OTUD7A: variants seen among roughly 807,000 people sequenced by gnomAD.
The protein encoded by OTUD7A is OTU deubiquitinase 7A, also known as OTU domain-containing protein 7A.
In OTUD7A, 12 loss-of-function variants were observed where a neutral mutation model predicts 65.7. The ratio of observed to expected loss-of-function variants is 0.18; its 90% confidence interval spans 0.12 to 0.30. The LOEUF (loss-of-function observed/expected upper bound fraction) is 0.30. Ranked by LOEUF, OTUD7A falls within the 10% of genes least tolerant of loss-of-function variation. The probability of loss-of-function intolerance (pLI) is 1.00; values close to 1 mark genes in which losing one functional copy is unlikely to be tolerated. For missense variants in OTUD7A, 1,148 were observed against 1,304.8 expected, an observed-to-expected ratio of 0.88 and a Z score of 1.85; for synonymous variants, 641 against 586.3, an observed-to-expected ratio of 1.09 and a Z score of -1.35.
chr15:31,743,758 A>G (rs1012904623), intron 1 of OTUD7A, among the ~76,000 whole-genome samples: 24 of 151,994 alleles, frequency 1.6e-4, no homozygotes, highest in Admixed American at 7.2e-4. Flanking sequence ...AAAGAAAAGA[A>G]AAGAAAAGAA....
intron 1 of OTUD7A, among the ~76,000 whole-genome samples, chr15:31,737,911 G>T (rs1894236260): frequency 6.6e-6 from 1 of 152,182 alleles, no homozygotes; most frequent in African/African-American, 2.4e-5. Context: ...TTGTAAAAAA[G>T]TATCTATTTA....
chr15:31,809,340 T>C (rs1477277125), intron 1 of OTUD7A, among the ~76,000 whole-genome samples: 1 of 152,214 alleles, frequency 6.6e-6, no homozygotes, highest in Non-Finnish European at 1.5e-5. Flanking sequence ...ATCCCTTTCT[T>C]CTGCCTTCCC....
At chr15:31,789,147 G>A (rs1895749860) in intron 1 of OTUD7A, among the ~76,000 whole-genome samples, 1 of 152,108 alleles carries the variant, frequency 6.6e-6, no homozygotes, top group Non-Finnish European at 1.5e-5. Flanking sequence ...CTATGTAATA[G>A]ACACAGAATG....
chr15:31,553,539 A>G (rs995017945), intron 5 of OTUD7A, among the ~76,000 whole-genome samples: 8 of 152,024 alleles, frequency 5.3e-5, no homozygotes, highest in African/African-American at 1.7e-4. Context: ...AAGTCTCACT[A>G]CAGTCTCGGG....
chr15:31,620,978 G>A lies in OTUD7A; in HGVS notation c.151+34118C>T, dbSNP rs1365820855. On this transcript the variant is annotated intron_variant, in intron 3 of 12. Coordinates refer to ENST00000307050, the MANE Select transcript of OTUD7A (RefSeq NM_001382637.1). The stretch of plus-strand genomic sequence containing the variant: ...TCTGGTATGTTGTGTCTTTGTTCTC[G>A]TTGGTTTCAAAGAACATCTTTATTT... 9.9e-5 allele frequency among the ~76,000 whole-genome samples: 14 copies of A among 140,870 alleles called. No homozygotes were observed. In the South Asian group the frequency reaches 1.1e-3, roughly 11 times the overall value. The allele number at this position is 140,870 out of a possible 152,430, so 92.4% of individuals were successfully genotyped here. A position where few individuals can be genotyped will look rare whatever the true frequency, so the allele number is the denominator to read the frequency against.
intron 1 of OTUD7A, among the ~76,000 whole-genome samples, chr15:31,769,833 C>T (rs892253880): frequency 2.6e-5 from 4 of 152,126 alleles, no homozygotes; most frequent in Admixed American, 6.5e-5. Flanking sequence ...TCACTACAAA[C>T]GGGCAGCTTG....
intron 5 of OTUD7A, among the ~76,000 whole-genome samples, chr15:31,532,766 C>A (rs1035949419): frequency 6.6e-6 from 1 of 151,822 alleles, no homozygotes; most frequent in African/African-American, 2.4e-5. Context: ...AACCCCGTCT[C>A]TACCAAAAAT....
At chr15:31,714,315 A>G (rs1322063453) in intron 1 of OTUD7A, among the ~76,000 whole-genome samples, 2 of 152,230 alleles carry the variant, frequency 1.3e-5, no homozygotes, top group Non-Finnish European at 2.9e-5. Flanking sequence ...GAATGAATGA[A>G]CTGGTGGTAC....
At chr15:31,727,836 C>A (rs1287314339) in intron 1 of OTUD7A, among the ~76,000 whole-genome samples, 1 of 152,192 alleles carries the variant, frequency 6.6e-6, no homozygotes, top group Non-Finnish European at 1.5e-5. Flanking sequence ...TACTTCTCAG[C>A]CGCCCCTTCT....
In OTUD7A at chr15:31,476,363, C is replaced by T. The variant is rs2041018274; in HGVS notation, c.*6931G>A. On this transcript the variant is annotated 3_prime_UTR_variant, in exon 13 of 13. Coordinates refer to ENST00000307050, the MANE Select transcript of OTUD7A (RefSeq NM_001382637.1). ...GCCCCACTCCCCACTGCCAAGTCATCATTCCGTATCAGGTGTTTGGATTCC... is the reference window on the plus strand; with the variant it reads ...GCCCCACTCCCCACTGCCAAGTCATTATTCCGTATCAGGTGTTTGGATTCC... The T allele has an allele frequency of 6.6e-6, 1 of 152,356 alleles. No homozygotes were observed. Among genetic ancestry groups the T allele is most frequent in the Non-Finnish European group, 1.5e-5 (1 of 68,132 alleles). 9.4% of individuals were successfully genotyped at this position (152,356 alleles called of 1,614,324 possible). A position where few individuals can be genotyped will look rare whatever the true frequency, so the allele number is the denominator to read the frequency against.
At chr15:31,627,345 G>T (rs1332811667) in intron 3 of OTUD7A, among the ~76,000 whole-genome samples, 5 of 149,086 alleles carry the variant, frequency 3.4e-5, no homozygotes, top group East Asian at 4.0e-4. Flanking sequence ...GCAGTGTTTG[G>T]TTTTTTGTCC....
chr15:31,541,234 C>T (rs796986286), intron 5 of OTUD7A, among the ~76,000 whole-genome samples: 3 of 151,768 alleles, frequency 2.0e-5, no homozygotes, highest in Non-Finnish European at 4.4e-5. Context: ...AGTAGATCTT[C>T]GGGAAAAGGA....
intron 1 of OTUD7A, among the ~76,000 whole-genome samples, chr15:31,860,678 T>TGA (rs1567059930): frequency 1.5e-4 from 1 of 6,822 alleles, no homozygotes; most frequent in Non-Finnish European, 7.4e-4. Context: ...TGTATGTGTG[T>TGA]ATATATATAT....
At chr15:31,610,606 TA>T (rs1566942784) in intron 3 of OTUD7A, among the ~76,000 whole-genome samples, 5 of 46,786 alleles carry the variant, frequency 1.1e-4, no homozygotes, top group Admixed American at 2.7e-4. Flanking sequence ...TATATATATA[TA>T]TATATATATA....
At chr15:31,868,294 T>C (rs750684271) in intron 1 of OTUD7A, among the ~76,000 whole-genome samples, 3 of 152,158 alleles carry the variant, frequency 2.0e-5, no homozygotes, top group Non-Finnish European at 4.4e-5. Flanking sequence ...AAAGATTTAG[T>C]GGAAACACTT....
chr15:31,802,035 A>C (rs929100776), intron 1 of OTUD7A, among the ~76,000 whole-genome samples: 4 of 152,002 alleles, frequency 2.6e-5, no homozygotes, highest in African/African-American at 9.7e-5. Flanking sequence ...AATCACAAAA[A>C]AATAAGGTGT....
chr15:31,601,643 C>A (rs897985714), intron 3 of OTUD7A, among the ~76,000 whole-genome samples: 8 of 151,870 alleles, frequency 5.3e-5, no homozygotes, highest in African/African-American at 1.5e-4. Flanking sequence ...ACACAAAAAA[C>A]CCTTTAAAAA....
chr15:31,615,553 AAAT>A (rs1890560685), intron 3 of OTUD7A, among the ~76,000 whole-genome samples: 2 of 152,214 alleles, frequency 1.3e-5, no homozygotes, highest in African/African-American at 4.8e-5. Context: ...AAGCAGACAA[AAAT>A]AATCAGTATG....
chr15:31,491,042 A>C (rs2041311166), intron 10 of OTUD7A, among the ~76,000 whole-genome samples: 1 of 152,122 alleles, frequency 6.6e-6, no homozygotes, highest in South Asian at 2.1e-4. Context: ...CCAGGAATAA[A>C]AGTGATTTAC....
Sources: allele counts gnomAD v4.1 joint callset (sites outside exome capture counted in the v4.1 genomes callset), GRCh38; gene constraint gnomAD v4.1.1; transcripts MANE v1.5; gene names NCBI Gene and HGNC (gene_info 2026-07-23, HGNC 2026-07-21).